Variants in CNTNAP2 observed in about 807,000 individuals in gnomAD.
CNTNAP2 encodes contactin-associated protein-like 2.
Under a neutral mutation model 155.2 loss-of-function variants are expected in CNTNAP2, and 98 were observed. The observed-to-expected ratio is 0.63, with a 90% CI of 0.54 to 0.75. The LOEUF (loss-of-function observed/expected upper bound fraction) is 0.75, where lower values mean the gene tolerates loss of function less well. Ranked by LOEUF, CNTNAP2 falls within the 30% of genes least tolerant of loss-of-function variation. CNTNAP2 has a pLI of 0.00. For synonymous variants in CNTNAP2, 651 were observed against 631.2 expected (o/e 1.03, Z -0.47); for missense variants, 1,727 against 1,688.1 (o/e 1.02, Z -0.40).
At chr7:146,229,166 TG>T (rs1799343377) in intron 1 of CNTNAP2, among the ~76,000 whole-genome samples, 1 of 152,172 alleles carries the variant, frequency 6.6e-6, no homozygotes, top group East Asian at 1.9e-4. Flanking sequence ...AAATATTCAA[TG>T]AATTGCCATC....
Position 148,365,786 on chromosome 7 carries a change from G to A in CNTNAP2, c.3476-17863G>A, listed in dbSNP as rs560933417. Among the ~76,000 whole-genome samples the A allele has an allele frequency of 9.6e-4, 83 of 86,568 alleles. 16 individuals carry two copies. The highest frequency in any genetic ancestry group is 4.6e-3 in the African/African-American group (82 of 17,700). The allele number at this position is 86,568 out of a possible 152,430, so 56.8% of individuals were successfully genotyped here. A position where few individuals can be genotyped will look rare whatever the true frequency, so the allele number is the denominator to read the frequency against. On this transcript the variant is annotated intron_variant, in intron 21 of 23. Transcript: ENST00000361727. ...TATACGTGTATACATGTATGTGTAT[G>A]CATGTATACATGCATGTGTATGCAT...
At chr7:147,808,194 T>C (rs77122588) in intron 13 of CNTNAP2, among the ~76,000 whole-genome samples, 4,956 of 152,220 alleles carry the variant, frequency 0.033, 138 homozygotes, top group Non-Finnish European at 0.051. Flanking sequence ...TACTGGATGA[T>C]ATTCTGTACC....
At chr7:146,265,640 T>A (rs546132119) in intron 1 of CNTNAP2, among the ~76,000 whole-genome samples, 2 of 151,962 alleles carry the variant, frequency 1.3e-5, no homozygotes, top group South Asian at 4.2e-4. Flanking sequence ...TGTATTTTTT[T>A]ATAGAGACGG....
chr7:148,161,450 AG>A (rs1805537855), intron 17 of CNTNAP2, among the ~76,000 whole-genome samples: 1 of 152,134 alleles, frequency 6.6e-6, no homozygotes, highest in South Asian at 2.1e-4. Context: ...TGGAAAGTTG[AG>A]GGGGCAAAGA....
chr7:146,642,428 G>A (rs552007711), intron 1 of CNTNAP2, among the ~76,000 whole-genome samples: 319 of 150,586 alleles, frequency 2.1e-3, no homozygotes, highest in Admixed American at 3.7e-3. Flanking sequence ...TTGTTCTTGC[G>A]ATAGTTTACT....
chr7:146,674,403 C>T (rs1340201400), intron 1 of CNTNAP2, among the ~76,000 whole-genome samples: 2 of 151,834 alleles, frequency 1.3e-5, no homozygotes, highest in African/African-American at 4.8e-5. Context: ...TGGAGGTGGG[C>T]TAATAAGTTG....
chr7:146,900,779 C>A (rs527267801), intron 3 of CNTNAP2, among the ~76,000 whole-genome samples: 29 of 152,142 alleles, frequency 1.9e-4, no homozygotes, highest in South Asian at 6.2e-4. Context: ...AGAATACTTA[C>A]TGAATTTCAT....
At chr7:147,871,866 T>C (rs1799333565) in intron 13 of CNTNAP2, among the ~76,000 whole-genome samples, 1 of 152,216 alleles carries the variant, frequency 6.6e-6, no homozygotes, top group Non-Finnish European at 1.5e-5. Flanking sequence ...TCTGTCTTTA[T>C]CTTCCCAGTT....
chr7:148,359,309 A>G (rs1798577044), intron 21 of CNTNAP2, among the ~76,000 whole-genome samples: 2 of 152,258 alleles, frequency 1.3e-5, no homozygotes, highest in South Asian at 4.1e-4. Context: ...TAAGCAACAC[A>G]TAACTAGTAC....
chr7:146,421,225 C>T (rs910184643), intron 1 of CNTNAP2, among the ~76,000 whole-genome samples: 20 of 151,930 alleles, frequency 1.3e-4, no homozygotes, highest in African/African-American at 4.8e-4. Flanking sequence ...TCTCTCTTAA[C>T]AAGTATGTAT....
intron 9 of CNTNAP2, among the ~76,000 whole-genome samples, chr7:147,389,619 TC>T (rs1796676249): frequency 6.6e-6 from 1 of 152,188 alleles, no homozygotes; most frequent in Non-Finnish European, 1.5e-5. Flanking sequence ...TATATGCAAG[TC>T]TTGAAACAGA....
At chr7:146,798,743 T>C (rs990581697) in intron 2 of CNTNAP2, among the ~76,000 whole-genome samples, 1 of 152,186 alleles carries the variant, frequency 6.6e-6, no homozygotes, top group Non-Finnish European at 1.5e-5. Flanking sequence ...TTACATTTTA[T>C]GGGCAGATTT....
At chr7:147,772,321 G>A (rs1416541093) in intron 13 of CNTNAP2, among the ~76,000 whole-genome samples, 1 of 150,182 alleles carries the variant, frequency 6.7e-6, no homozygotes, top group Non-Finnish European at 1.5e-5. Flanking sequence ...GGAGGCTGAG[G>A]CAGGAGAATC....
rs970386044 is a variant in CNTNAP2, at chr7:146,684,278, G to T, written c.98-89993G>T. ...AACCAGCTGAAGAACTCACGAGGAA[G>T]TGTCAGGGCAAAGGCAACTTTAAGA... On this transcript the variant is annotated intron_variant, in intron 1 of 23. Transcript: ENST00000361727. 2.6e-5 allele frequency among the ~76,000 whole-genome samples: 4 copies of T among 152,144 alleles called. No homozygotes were observed. The South Asian group carries it at 8.3e-4, about 31-fold the overall frequency.
At chr7:146,592,047 G>A (rs1798790704) in intron 1 of CNTNAP2, among the ~76,000 whole-genome samples, 1 of 152,154 alleles carries the variant, frequency 6.6e-6, no homozygotes, top group South Asian at 2.1e-4. Context: ...AGAGAAGAAA[G>A]AGCTTCAGCT....
rs143367646 is a variant in CNTNAP2 at position 147,057,819 on chromosome 7, T to C, written c.550+13765T>C. Among the ~76,000 whole-genome samples the C allele has an allele frequency of 9.2e-3, 1,401 of 152,288 alleles. 13 individuals carry two copies. The highest frequency in any genetic ancestry group is 0.014 in the Non-Finnish European group (980 of 68,016). On this transcript the variant is annotated intron_variant, in intron 4 of 23. Transcript: ENST00000361727. The stretch of plus-strand genomic sequence containing the variant: ...AACATTCATTTGATTTATATAGCAG[T>C]GTCTGTTATTTGCAGAAAGCACGTA...
chr7:147,671,387 C>G (rs1795784512), intron 13 of CNTNAP2, among the ~76,000 whole-genome samples: 1 of 152,168 alleles, frequency 6.6e-6, no homozygotes, highest in Non-Finnish European at 1.5e-5. Context: ...GAAAAGGCTG[C>G]AGCTCTCAGA....
chr7:146,719,745 C>T (rs1801253577), intron 1 of CNTNAP2, among the ~76,000 whole-genome samples: 1 of 151,646 alleles, frequency 6.6e-6, no homozygotes, highest in African/African-American at 2.4e-5. Context: ...ATGTTATCCT[C>T]TCTGTGTTTT....
rs915490686 is a variant in CNTNAP2 at position 147,549,072 on chromosome 7, T to C, written c.1778-13066T>C. 2.6e-5 allele frequency among the ~76,000 whole-genome samples: 4 copies of C among 152,204 alleles called. No individual in the cohort carries two copies. In the South Asian group the frequency reaches 8.3e-4, roughly 32 times the overall value. ...CACCTTTGTTCTTTTTACTTAGGAT[T>C]GTCTTGGCTATTTGGGGTCTTCTTT... On this transcript the variant is annotated intron_variant, in intron 11 of 23. Coordinates refer to ENST00000361727, the MANE Select transcript of CNTNAP2 (RefSeq NM_014141.6).
Sources: gnomAD v4.1 joint callset for allele counts (sites outside exome capture counted in the v4.1 genomes callset) on GRCh38, gnomAD v4.1.1 for gene constraint, MANE v1.5 for transcripts, NCBI Gene and HGNC (gene_info 2026-07-23, HGNC 2026-07-21) for gene names.